SLC39A11: variants seen among roughly 807,000 people sequenced by gnomAD.
The protein encoded by SLC39A11 is zinc transporter ZIP11.
SLC39A11 carries 33 observed loss-of-function variants against 36.1 expected under a neutral mutation model. The observed-to-expected ratio is 0.91, with a 90% CI of 0.69 to 1.22. The LOEUF is 1.22. Ranked by LOEUF, SLC39A11 falls within the 50% of genes most tolerant of loss-of-function variation. SLC39A11 has a pLI of 0.00. For synonymous variants in SLC39A11, 166 were observed against 170.3 expected (o/e 0.97, Z 0.20); for missense variants, 432 against 430.3 (o/e 1.00, Z -0.03).
intron 6 of SLC39A11, among the ~76,000 whole-genome samples, chr17:72,807,919 GAAGT>G (rs765709706): frequency 3.4e-4 from 52 of 152,296 alleles, no homozygotes; most frequent in Middle Eastern, 6.8e-3. Flanking sequence ...TTTAGCATCT[GAAGT>G]AAGGGATCTG....
At position 72,761,263 on chromosome 17, in the gene SLC39A11, C is replaced by A. The variant is rs548112342; in HGVS notation, c.602-24544G>T. Among the ~76,000 whole-genome samples, 11 of 152,108 alleles carry A rather than the reference C, an allele frequency of 7.2e-5. No individual in the cohort carries two copies. In the East Asian group the frequency reaches 1.9e-3, roughly 27 times the overall value. On this transcript the variant is annotated intron_variant, in intron 6 of 9. Transcript: ENST00000255559. ...TTGAGTAGCTGGGATTACAGGCACC[C>A]GCCACCACGCCTGGCTAATTTTTGT...
intron 5 of SLC39A11, among the ~76,000 whole-genome samples, chr17:72,888,628 G>A (rs141346651): frequency 2.0e-3 from 304 of 152,342 alleles, no homozygotes; most frequent in African/African-American, 6.8e-3. Flanking sequence ...GAGGCCAGGT[G>A]TTGTGGTTCA....
rs561220858 is a variant in SLC39A11, at chr17:72,865,054, G to A, written c.431-15250C>T. Among the ~76,000 whole-genome samples, 5 of 152,270 alleles carry A rather than the reference G, an allele frequency of 3.3e-5. No individual in the cohort carries two copies. In the East Asian group the frequency reaches 9.6e-4, roughly 29 times the overall value. On this transcript the variant is annotated intron_variant, in intron 5 of 9. Coordinates refer to ENST00000255559, the MANE Select transcript of SLC39A11 (RefSeq NM_139177.4). ...AACACCTAGAAATGATGGGTGAGAT[G>A]AACAGCAACAACAAAAAAATGTTTT...
chr17:72,781,159 C>T (rs2076304294), intron 6 of SLC39A11, among the ~76,000 whole-genome samples: 1 of 152,102 alleles, frequency 6.6e-6, no homozygotes, highest in East Asian at 1.9e-4. Context: ...AAAATAAAGT[C>T]ATATTTATAA....
intron 7 of SLC39A11, among the ~76,000 whole-genome samples, chr17:72,689,242 C>T (rs2071901975): frequency 6.6e-6 from 1 of 152,224 alleles, no homozygotes; most frequent in Admixed American, 6.5e-5. Context: ...TAAAATCTCA[C>T]CTCCGCTCAC....
intron 4 of SLC39A11, among the ~76,000 whole-genome samples, chr17:72,959,332 T>C (rs2086460232): frequency 1.7e-5 from 1 of 57,242 alleles, no homozygotes; most frequent in African/African-American, 6.5e-5. Context: ...TGTGTATATA[T>C]ATATATATAT....
chr17:72,784,679 A>G (rs1394806169), intron 6 of SLC39A11, among the ~76,000 whole-genome samples: 2 of 151,650 alleles, frequency 1.3e-5, no homozygotes, highest in Admixed American at 6.6e-5. Context: ...AAAAGTGTGT[A>G]GAACCTCCCC....
At chr17:72,908,115 T>TA (rs1280038234) in intron 5 of SLC39A11, among the ~76,000 whole-genome samples, 3 of 152,208 alleles carry the variant, frequency 2.0e-5, no homozygotes, top group Non-Finnish European at 4.4e-5. Context: ...GACATCAGGC[T>TA]ATGTTCTGGC....
intron 4 of SLC39A11, among the ~76,000 whole-genome samples, chr17:72,983,115 G>A (rs2088453341): frequency 1.3e-5 from 2 of 151,706 alleles, no homozygotes; most frequent in African/African-American, 4.9e-5. Context: ...TAGTACCCAG[G>A]GTGTTTTTTG....
chr17:72,875,036 T>G (rs944071396), intron 5 of SLC39A11, among the ~76,000 whole-genome samples: 2 of 151,876 alleles, frequency 1.3e-5, no homozygotes, highest in Admixed American at 6.6e-5. Flanking sequence ...CAAATATATC[T>G]CAAACACAGC....
chr17:72,860,432 T>A (rs1474920201), intron 5 of SLC39A11, among the ~76,000 whole-genome samples: 1 of 152,234 alleles, frequency 6.6e-6, no homozygotes, highest in Non-Finnish European at 1.5e-5. Context: ...TGTGCCCACA[T>A]GCAGATTAAA....
chr17:73,022,840 A>G (rs1230349175), intron 4 of SLC39A11, among the ~76,000 whole-genome samples: 1 of 151,874 alleles, frequency 6.6e-6, no homozygotes, highest in Non-Finnish European at 1.5e-5. Flanking sequence ...CTCTCTCCAA[A>G]CTTCACACTA....
intron 3 of SLC39A11, among the ~76,000 whole-genome samples, chr17:73,041,008 A>C (rs1025878771): frequency 1.4e-5 from 2 of 140,912 alleles, no homozygotes; most frequent in African/African-American, 6.0e-5. Flanking sequence ...AAAACAAAAA[A>C]CAAAAAAAAA....
chr17:72,856,315 G>A (rs1286652978), intron 5 of SLC39A11, among the ~76,000 whole-genome samples: 2 of 152,290 alleles, frequency 1.3e-5, no homozygotes, highest in East Asian at 3.9e-4. Context: ...AAGTGAGGTG[G>A]AACATTTTTC....
intron 2 of SLC39A11, among the ~76,000 whole-genome samples, chr17:73,086,685 T>A (rs2060739976): frequency 6.6e-6 from 1 of 152,126 alleles, no homozygotes; most frequent in Admixed American, 6.5e-5. Context: ...CTGGGCATGG[T>A]GGTGCACACC....
At chr17:72,758,797 C>T (rs1037526145) in intron 6 of SLC39A11, among the ~76,000 whole-genome samples, 9 of 152,228 alleles carry the variant, frequency 5.9e-5, no homozygotes, top group African/African-American at 2.2e-4. Context: ...CTGCCCAGAT[C>T]GGTTGATACT....
chr17:72,907,815 C>T (rs1180345719), intron 5 of SLC39A11, among the ~76,000 whole-genome samples: 1 of 152,210 alleles, frequency 6.6e-6, no homozygotes, highest in Admixed American at 6.5e-5. Context: ...TGCAGGGAAA[C>T]AGTCTGCACC....
chr17:72,827,379 G>A (rs1286997478), intron 6 of SLC39A11, among the ~76,000 whole-genome samples: 2 of 152,098 alleles, frequency 1.3e-5, no homozygotes, highest in African/African-American at 2.4e-5. Flanking sequence ...TAATGGGTAG[G>A]GGTTTCTTCT....
intron 5 of SLC39A11, among the ~76,000 whole-genome samples, chr17:72,877,956 C>T (rs954732313): frequency 3.5e-5 from 5 of 144,304 alleles, no homozygotes; most frequent in Non-Finnish European, 7.6e-5. Flanking sequence ...TCTCCTAATG[C>T]TATCCCTCCT....
Sources: allele counts gnomAD v4.1 joint callset (sites outside exome capture counted in the v4.1 genomes callset), GRCh38; gene constraint gnomAD v4.1.1; transcripts MANE v1.5; gene names NCBI Gene and HGNC (gene_info 2026-07-23, HGNC 2026-07-21).